Variants in TBC1D21 observed in about 807,000 individuals in gnomAD.
The protein encoded by TBC1D21 is TBC1 domain family member 21.
In TBC1D21, 38 loss-of-function variants were observed where a neutral mutation model predicts 46.0. The ratio of observed to expected loss-of-function variants is 0.83; its 90% confidence interval spans 0.64 to 1.08. The LOEUF (loss-of-function observed/expected upper bound fraction) is 1.08. Among genes scored for constraint, TBC1D21 ranks in the 50% least tolerant of loss-of-function variants. The probability of loss-of-function intolerance (pLI) is 0.00; values close to 1 mark genes in which losing one functional copy is unlikely to be tolerated. For missense variants in TBC1D21, 415 were observed against 417.9 expected (o/e 0.99, Z 0.06); for synonymous variants, 151 against 157.2 (o/e 0.96, Z 0.29).
the TBC1D21 span, among the ~76,000 whole-genome samples, chr15:73,909,217 CA>C: frequency 6.6e-6 from 1 of 152,124 alleles, no homozygotes; most frequent in Non-Finnish European, 1.5e-5. Context: ...ACTAAAAATA[CA>C]AAACTTAGCT....
the TBC1D21 span, among the ~76,000 whole-genome samples, chr15:73,909,059 G>A: frequency 6.6e-6 from 1 of 152,176 alleles, no homozygotes; most frequent in South Asian, 2.1e-4. Flanking sequence ...TAAGACAGCT[G>A]CAGTCAGGAT....
downstream of TBC1D21, among the ~76,000 whole-genome samples, chr15:73,891,207 T>G (rs2068333957): frequency 6.6e-6 from 1 of 152,208 alleles, no homozygotes; most frequent in South Asian, 2.1e-4. Flanking sequence ...CTGGCTCACT[T>G]AGTTTATCAT....
At chr15:73,891,935 A>G (rs2068340696), downstream of TBC1D21, among the ~76,000 whole-genome samples, 1 of 152,204 alleles carries the variant, frequency 6.6e-6, no homozygotes, top group African/African-American at 2.4e-5. Flanking sequence ...AGGCAGGCAG[A>G]TCCTGGGTGG....
chr15:73,881,303 G>A lies in TBC1D21; in HGVS notation c.61-96G>A, dbSNP rs763764369. The A allele has an allele frequency of 5.8e-6, 5 of 857,994 alleles. No homozygotes were observed. In the African/African-American group the frequency reaches 8.4e-5, roughly 14 times the overall value. The allele number at this position is 857,994 out of a possible 1,614,324, so 53.1% of individuals were successfully genotyped here. On this transcript the variant is annotated intron_variant, in intron 1 of 10. Transcript: ENST00000300504. ...CGAAGTAAGTCAGGCTGTGCGCTTT[G>A]ATACATATTGCAAAGTCCAGAACAT...
At chr15:73,894,268 C>T in the TBC1D21 span, among the ~76,000 whole-genome samples, 2 of 152,242 alleles carry the variant, frequency 1.3e-5, no homozygotes, top group African/African-American at 4.8e-5. Flanking sequence ...ACTGAGTCTC[C>T]TGTCTGGTCC....
intron 1 of TBC1D21, among the ~76,000 whole-genome samples, chr15:73,879,441 C>G (rs2068115702): frequency 6.6e-6 from 1 of 152,054 alleles, no homozygotes; most frequent in Admixed American, 6.5e-5. Flanking sequence ...TGGTCTCGAA[C>G]TCCTGACCTC....
At chr15:73,901,091 G>A in the TBC1D21 span, among the ~76,000 whole-genome samples, 2 of 152,210 alleles carry the variant, frequency 1.3e-5, no homozygotes, top group African/African-American at 4.8e-5. Context: ...AGCAAAGAAA[G>A]AAGATTCAGA....
intron 8 of TBC1D21, among the ~76,000 whole-genome samples, chr15:73,887,333 C>A (rs973564694): frequency 6.6e-6 from 1 of 152,122 alleles, no homozygotes; most frequent in East Asian, 1.9e-4. Context: ...TGTCTTCCCA[C>A]CCCTCATTGC....
intron 7 of TBC1D21, among the ~76,000 whole-genome samples, 155 bp downstream of exon 7, chr15:73,886,329 G>C (rs2068245720): frequency 6.6e-6 from 1 of 152,188 alleles, no homozygotes; most frequent in Admixed American, 6.5e-5. Context: ...ATCTGGATGG[G>C]GTTGGAGCCT....
At chr15:73,881,804 G>T in intron 3 of TBC1D21, 57 bp downstream of exon 3, 2 of 1,458,968 alleles carry the variant, frequency 1.4e-6, no homozygotes, top group Non-Finnish European at 1.9e-6. Context: ...GGCAGGTGCT[G>T]CCTCCCCAGC....
downstream of TBC1D21, among the ~76,000 whole-genome samples, chr15:73,893,147 G>A (rs573615378): frequency 2.0e-5 from 3 of 152,290 alleles, no homozygotes; most frequent in South Asian, 6.2e-4. Context: ...TCCTTAAATA[G>A]TGCCAGAGGA....
downstream of TBC1D21, among the ~76,000 whole-genome samples, chr15:73,889,765 T>C (rs2068321457): frequency 6.6e-6 from 1 of 152,254 alleles, no homozygotes; most frequent in Non-Finnish European, 1.5e-5. Context: ...TTTCCAGTCT[T>C]GATCAATCTT....
chr15:73,904,021 C>T, the TBC1D21 span, among the ~76,000 whole-genome samples: 1 of 152,148 alleles, frequency 6.6e-6, no homozygotes, highest in East Asian at 1.9e-4. Context: ...GCACTCCAGC[C>T]TGGGCAACAG....
chr15:73,876,532 C>G (rs566219129), intron 1 of TBC1D21, among the ~76,000 whole-genome samples: 3 of 151,702 alleles, frequency 2.0e-5, no homozygotes, highest in African/African-American at 7.3e-5. Flanking sequence ...CGTGAGCCAC[C>G]GCGCCCGGCC....
At chr15:73,886,214 A>G (rs760722127) in intron 7 of TBC1D21, 40 bp downstream of exon 7, 4 of 1,561,492 alleles carry the variant, frequency 2.6e-6, no homozygotes, top group Admixed American at 1.7e-5. Flanking sequence ...CGCACCCCCC[A>G]GGCATGGGAA....
downstream of TBC1D21, among the ~76,000 whole-genome samples, chr15:73,890,384 C>A (rs910229756): frequency 1.3e-5 from 2 of 152,222 alleles, no homozygotes; most frequent in African/African-American, 4.8e-5. Flanking sequence ...AACACCTTCT[C>A]TGCATGGCTA....
At chr15:73,883,537 T>C (rs912083734) in intron 3 of TBC1D21, among the ~76,000 whole-genome samples, 1 of 152,200 alleles carries the variant, frequency 6.6e-6, no homozygotes, top group African/African-American at 2.4e-5. Flanking sequence ...TTTCTGTGTG[T>C]TATAAGAACA....
the TBC1D21 span, among the ~76,000 whole-genome samples, chr15:73,898,881 ATAT>A: frequency 0.12 from 6,555 of 54,144 alleles, 831 homozygotes; most frequent in African/African-American, 0.29. Context: ...AAAAAAAAAA[ATAT>A]ATATATATAT....
At chr15:73,886,428 C>T in intron 7 of TBC1D21, 84 bp from the exon 8 acceptor site, 2 of 1,235,504 alleles carry the variant, frequency 1.6e-6, no homozygotes, top group Non-Finnish European at 2.4e-6. Flanking sequence ...GTTTTGCAGG[C>T]TCTGTAGTTT....
Sources: gnomAD v4.1 joint callset for allele counts (sites outside exome capture counted in the v4.1 genomes callset) on GRCh38, gnomAD v4.1.1 for gene constraint, MANE v1.5 for transcripts, NCBI Gene and HGNC (gene_info 2026-07-23, HGNC 2026-07-21) for gene names.